FRMD5: variants seen among roughly 807,000 people sequenced by gnomAD.
The protein encoded by FRMD5 is FERM domain-containing protein 5.
Under a neutral mutation model 69.0 loss-of-function variants are expected in FRMD5, and 20 were observed. The observed-to-expected ratio is 0.29, with a 90% CI of 0.20 to 0.42. The LOEUF is 0.42. Among genes scored for constraint, FRMD5 ranks in the 10% least tolerant of loss-of-function variants. The pLI is 1.00. For missense variants in FRMD5, 595 were observed against 708.6 expected, an observed-to-expected ratio of 0.84 and a Z score of 1.82; for synonymous variants, 271 against 260.1, an observed-to-expected ratio of 1.04 and a Z score of -0.40.
chr15:44,107,200 GA>G (rs2076732544), intron 1 of FRMD5, among the ~76,000 whole-genome samples: 1 of 152,130 alleles, frequency 6.6e-6, no homozygotes, highest in African/African-American at 2.4e-5. Flanking sequence ...AGATATAAAG[GA>G]AGGGAAGGGG....
At chr15:44,034,811 C>T (rs953959665) in intron 1 of FRMD5, among the ~76,000 whole-genome samples, 1 of 152,112 alleles carries the variant, frequency 6.6e-6, no homozygotes, top group Non-Finnish European at 1.5e-5. Context: ...AGTCAAACAC[C>T]GATGAGTTCT....
At chr15:44,020,842 GC>G (rs1306439813) in intron 1 of FRMD5, among the ~76,000 whole-genome samples, 1 of 152,106 alleles carries the variant, frequency 6.6e-6, no homozygotes, top group African/African-American at 2.4e-5. Flanking sequence ...GTAATTTCAA[GC>G]TATCAACATG....
chr15:44,076,677 G>C (rs1239019246), intron 1 of FRMD5, among the ~76,000 whole-genome samples: 2 of 148,880 alleles, frequency 1.3e-5, no homozygotes, highest in African/African-American at 5.0e-5. Context: ...AATGCTAGAT[G>C]ATGAGTTAGT....
intron 1 of FRMD5, among the ~76,000 whole-genome samples, chr15:44,140,753 C>T (rs961780637): frequency 1.3e-5 from 2 of 151,526 alleles, no homozygotes; most frequent in East Asian, 1.9e-4. Flanking sequence ...TACAGTGGCA[C>T]GTGCCTGTGG....
intron 1 of FRMD5, among the ~76,000 whole-genome samples, chr15:43,968,582 T>C (rs972209327): frequency 2.0e-5 from 3 of 152,228 alleles, no homozygotes; most frequent in Non-Finnish European, 4.4e-5. Context: ...TCATTAATTG[T>C]ACATAAGGTG....
At chr15:44,022,323 G>A (rs1404114538) in intron 1 of FRMD5, among the ~76,000 whole-genome samples, 1 of 151,528 alleles carries the variant, frequency 6.6e-6, no homozygotes, top group Non-Finnish European at 1.5e-5. Flanking sequence ...CCAGCACTTT[G>A]GCAGGATGAG....
chr15:44,074,544 C>T (rs1443594088), intron 1 of FRMD5, among the ~76,000 whole-genome samples: 1 of 151,666 alleles, frequency 6.6e-6, no homozygotes. Context: ...TGCTCTGTCG[C>T]CCAGGCTGGA....
At chr15:43,961,246 C>T (rs1483805256) in intron 1 of FRMD5, among the ~76,000 whole-genome samples, 3 of 152,160 alleles carry the variant, frequency 2.0e-5, no homozygotes, top group African/African-American at 7.2e-5. Flanking sequence ...CACAGAAATA[C>T]AAACTACCAT....
intron 1 of FRMD5, among the ~76,000 whole-genome samples, chr15:44,114,379 T>C (rs1406198161): frequency 6.6e-6 from 1 of 152,236 alleles, no homozygotes; most frequent in Non-Finnish European, 1.5e-5. Context: ...TCCTTTATTC[T>C]GAGTCTGTGT....
intron 1 of FRMD5, among the ~76,000 whole-genome samples, chr15:44,052,488 T>G (rs1046061324): frequency 2.6e-5 from 4 of 152,168 alleles, no homozygotes; most frequent in Non-Finnish European, 5.9e-5. Flanking sequence ...AAGTGCAAGG[T>G]GTACTTGTTA....
chr15:43,876,110 C>T, intron 13 of FRMD5: 1 of 1,453,588 alleles, frequency 6.9e-7, no homozygotes, highest in South Asian at 1.1e-5. Flanking sequence ...CATGTTTTTC[C>T]CATAGAATGT....
intron 1 of FRMD5, among the ~76,000 whole-genome samples, chr15:44,106,314 G>C (rs999688743): frequency 1.1e-4 from 17 of 152,080 alleles, no homozygotes. Flanking sequence ...TTCCCTTTAA[G>C]GATAGAGTCT....
At chr15:43,970,986 A>C (rs988993686) in intron 1 of FRMD5, among the ~76,000 whole-genome samples, 3 of 152,146 alleles carry the variant, frequency 2.0e-5, no homozygotes, top group African/African-American at 7.2e-5. Flanking sequence ...GTGGTGGTTC[A>C]CACCTGTAAT....
Position 43,962,832 on chromosome 15 carries a change from G to C in FRMD5, c.103-38523C>G, listed in dbSNP as rs1402620586. On this transcript the variant is annotated intron_variant, in intron 1 of 13. Coordinates refer to ENST00000417257, the MANE Select transcript of FRMD5 (RefSeq NM_032892.5). ...AGGATTCCCTATTTAATAGATGGTG[G>C]TGGGAAAACTGGCTAGCCATATGCA... 5.3e-5 allele frequency among the ~76,000 whole-genome samples: 8 copies of C among 152,232 alleles called. No individual in the cohort carries two copies. In the South Asian group the frequency reaches 1.5e-3, roughly 28 times the overall value.
chr15:44,194,259 T>C (rs898976349), intron 1 of FRMD5: 1 of 152,310 alleles, frequency 6.6e-6, no homozygotes, highest in African/African-American at 2.4e-5. Flanking sequence ...AGTCGCCGAT[T>C]CTTCCTGGCC....
chr15:43,970,408 A>G (rs2090357024), intron 1 of FRMD5, among the ~76,000 whole-genome samples: 1 of 152,348 alleles, frequency 6.6e-6, no homozygotes, highest in Non-Finnish European at 1.5e-5. Flanking sequence ...TCTCGCTTCA[A>G]CATATATGGT....
intron 1 of FRMD5, among the ~76,000 whole-genome samples, chr15:44,120,861 C>G (rs539601835): frequency 6.6e-6 from 1 of 152,082 alleles, no homozygotes; most frequent in East Asian, 1.9e-4. Flanking sequence ...AGATGATGAA[C>G]ATGCTGAGTT....
chr15:44,132,826 T>C (rs1378044534), intron 1 of FRMD5, among the ~76,000 whole-genome samples: 1 of 151,790 alleles, frequency 6.6e-6, no homozygotes, highest in African/African-American at 2.4e-5. Flanking sequence ...GACACAATCT[T>C]GGCTCACTGC....
intron 1 of FRMD5, among the ~76,000 whole-genome samples, chr15:44,119,871 C>T (rs933167700): frequency 7.4e-6 from 1 of 135,578 alleles, no homozygotes; most frequent in Non-Finnish European, 1.6e-5. Context: ...GCACCTAGAA[C>T]AGTACCTAAC....
Sources: allele counts gnomAD v4.1 joint callset (sites outside exome capture counted in the v4.1 genomes callset), GRCh38; gene constraint gnomAD v4.1.1; transcripts MANE v1.5; gene names NCBI Gene and HGNC (gene_info 2026-07-23, HGNC 2026-07-21).